PIGG: variants seen among roughly 807,000 people sequenced by gnomAD.
The protein encoded by PIGG is phosphatidylinositol glycan anchor biosynthesis class G (EMM blood group), also known as GPI ethanolamine phosphate transferase 2, catalytic subunit.
Under a neutral mutation model 83.2 loss-of-function variants are expected in PIGG, and 70 were observed. That is an observed-to-expected ratio of 0.84 (90% CI 0.69 to 1.03). The LOEUF is 1.03. PIGG is among the 50% of genes least tolerant of loss of function. PIGG has a pLI of 0.00. For missense variants in PIGG, 1,257 were observed against 1,233.6 expected (o/e 1.02, Z -0.28); for synonymous variants, 532 against 519.5 (o/e 1.02, Z -0.33).
Position 539,234 on chromosome 4 carries a change from A to G in PIGG, c.2817A>G (p.Thr939=). Residue 939 remains threonine (T), a synonymous_variant, in exon 13 of 13, where the codon ACA becomes ACG. Coordinates refer to ENST00000453061, the MANE Select transcript of PIGG (RefSeq NM_001127178.3). ...IPVFTYIVLV[T]SLRYHLFIWS... ...TTTTCACGTACATCGTTTTGGTGAC[A>G]TCTCTGCGTTATCATTTATTTATAT... The G allele has an allele frequency of 1.2e-6, 2 of 1,612,870 alleles. No individual in the cohort carries two copies. Among genetic ancestry groups the G allele is most frequent in the South Asian group, 2.2e-5 (2 of 91,064 alleles).
chr4:527,060 C>G lies in PIGG; in HGVS notation c.2091C>G (p.Leu697=), dbSNP rs752686273. 2 of 1,614,182 alleles carry G rather than the reference C, an allele frequency of 1.2e-6. No individual in the cohort carries two copies. The highest frequency in any genetic ancestry group is 1.7e-6 in the Non-Finnish European group (2 of 1,180,032). The change falls in exon 10 of 13, where the codon CTC becomes CTG. Residue 697 remains leucine, a synonymous_variant. Coordinates refer to ENST00000453061, the MANE Select transcript of PIGG (RefSeq NM_001127178.3). Reference sequence around the variant, plus strand: ...TCAGCTCTGACCACAAAGCCGAGCTCTCTGTCCTGGCTGCCCTCTCCCTCC... The same window carrying G: ...TCAGCTCTGACCACAAAGCCGAGCTGTCTGTCCTGGCTGCCCTCTCCCTCC... ...WLTSSDHKAE[L]SVLAALSLLV...
chr4:535,190 G>A, intron 12 of PIGG, among the ~76,000 whole-genome samples: 1 of 152,186 alleles, frequency 6.6e-6, no homozygotes, highest in East Asian at 1.9e-4. Flanking sequence ...GTCTGGCAGA[G>A]ACCCCAGGGC....
In PIGG at chr4:502,728, A is replaced by G. The variant is rs141409554; in HGVS notation, c.360+2127A>G. Among the ~76,000 whole-genome samples the G allele has an allele frequency of 4.1e-3, 621 of 152,102 alleles. 7 individuals carry two copies. Among genetic ancestry groups the G allele is most frequent in the African/African-American group, 0.014 (586 of 41,484 alleles). On this transcript the variant is annotated intron_variant, in intron 2 of 12. Coordinates refer to ENST00000453061, the MANE Select transcript of PIGG (RefSeq NM_001127178.3). Reference sequence around the variant, plus strand: ...GATGAGGGGATGCCAAGTAGTCCCTACCCTCTTTAAAAATATCGGTGGGAA... The same window carrying G: ...GATGAGGGGATGCCAAGTAGTCCCTGCCCTCTTTAAAAATATCGGTGGGAA...
chr4:525,868 G>A (rs1483624518), intron 9 of PIGG: 1 of 152,286 alleles, frequency 6.6e-6, no homozygotes, highest in Non-Finnish European at 1.5e-5. Flanking sequence ...CGGGCTGCTG[G>A]GAGGTTGTGC....
intron 1 of PIGG, chr4:499,843 A>C: frequency 1.8e-6 from 1 of 547,562 alleles, no homozygotes; most frequent in Non-Finnish European, 2.6e-6. Flanking sequence ...TTTGCCCCCT[A>C]GCACACAACA....
chr4:504,061 G>A (rs115935649), intron 2 of PIGG, among the ~76,000 whole-genome samples: 6,249 of 152,236 alleles, frequency 0.041, 174 homozygotes, highest in African/African-American at 0.08. Context: ...CCCCACCTCA[G>A]CTCAATTCTG....
At position 523,472 on chromosome 4, in the gene PIGG, C is replaced by A. The variant is rs112764712; in HGVS notation, c.1628C>A (p.Pro543His). The change falls in exon 9 of 13, where the codon CCC becomes CAC. Residue 543 changes from proline to histidine, a missense_variant. By Grantham distance (77) the Pro-to-His change is moderately conservative. Coordinates refer to ENST00000453061, the MANE Select transcript of PIGG (RefSeq NM_001127178.3). ...TCCTTTTCACAGAACCCCATGCATCCCAGCTCAAGGTGGTCAGAGCTAGAC... is the reference window on the plus strand; with the variant it reads ...TCCTTTTCACAGAACCCCATGCATCACAGCTCAAGGTGGTCAGAGCTAGAC... ...GNTPRKNPMH[P>H]SSRWSELDLL... 6.2e-7 allele frequency: 1 copy of A among 1,606,152 alleles called. No homozygotes were observed. Among genetic ancestry groups the A allele is most frequent in the South Asian group, 1.1e-5 (1 of 90,554 alleles).
chr4:508,341 A>G (rs1720580369), intron 4 of PIGG, among the ~76,000 whole-genome samples: 2 of 152,258 alleles, frequency 1.3e-5, no homozygotes, highest in Non-Finnish European at 2.9e-5. Flanking sequence ...GGTCAGGCAC[A>G]GCCTGCCTGG....
In PIGG at chr4:507,596, G is replaced by A. The variant is rs373571744; in HGVS notation, c.759+3G>A. 9.9e-5 allele frequency: 159 copies of A among 1,607,600 alleles called. No individual in the cohort carries two copies. The highest frequency in any genetic ancestry group is 1.9e-5 in the Non-Finnish European group (22 of 1,176,310). On this transcript the variant is annotated splice_donor_region_variant and intron_variant, in intron 4 of 12. Transcript: ENST00000453061. ...TCCACACCTCACTGCAGTCGAAGGTGAGGCTCGCCGTCGCTCACTGTCTGC... is the reference window on the plus strand; with the variant it reads ...TCCACACCTCACTGCAGTCGAAGGTAAGGCTCGCCGTCGCTCACTGTCTGC...
chr4:523,693 G>C lies in PIGG; in HGVS notation c.1849G>C (p.Gly617Arg). 6.2e-7 allele frequency: 1 copy of C among 1,614,230 alleles called. No individual in the cohort carries two copies. Among genetic ancestry groups the C allele is most frequent in the Non-Finnish European group, 8.5e-7 (1 of 1,180,034 alleles). The change falls in exon 9 of 13, where the codon GGG becomes CGG. Residue 617 changes from glycine (G) to arginine (R), a missense_variant. By Grantham distance (125) the Gly-to-Arg change is moderately radical (BLOSUM62 -2). Transcript: ENST00000453061. ...CGLCVEQGHD[G>R]ATAAWQDGPG... ...CCTCTGTGTGGAACAAGGGCATGAC[G>C]GGGCCACAGCAGCGTGGCAGGACGG...
intron 12 of PIGG, among the ~76,000 whole-genome samples, chr4:537,617 G>A (rs998110875): frequency 6.6e-6 from 1 of 152,222 alleles, no homozygotes; most frequent in African/African-American, 2.4e-5. Flanking sequence ...TACGGGTTTG[G>A]GGGACCCGCC....
At chr4:538,186 CAG>C (rs1258482461) in intron 12 of PIGG, among the ~76,000 whole-genome samples, 8 of 152,324 alleles carry the variant, frequency 5.3e-5, no homozygotes, top group African/African-American at 1.9e-4. Flanking sequence ...CCCTTTCTAA[CAG>C]AACTTGATCA....
At position 523,487 on chromosome 4, in the gene PIGG, C is replaced by G; in HGVS notation, c.1643C>G (p.Ser548Ter). The change falls in exon 9 of 13, where the codon TCA becomes TGA. Residue 548 changes from serine to a stop codon, truncating the protein, a stop_gained. Coordinates refer to ENST00000453061, the MANE Select transcript of PIGG (RefSeq NM_001127178.3). LOFTEE classifies it high-confidence loss of function. ...KNPMHPSSRWSELDLLILLGT... is the reference protein window; with the variant it reads ...KNPMHPSSRW The stretch of plus-strand genomic sequence containing the variant: ...CCCATGCATCCCAGCTCAAGGTGGT[C>G]AGAGCTAGACCTTCTTATTCTGTTG... 1 of 1,611,574 alleles carries G rather than the reference C, an allele frequency of 6.2e-7. No individual in the cohort carries two copies. The highest frequency in any genetic ancestry group is 8.5e-7 in the Non-Finnish European group (1 of 1,178,238).
chr4:507,501 C>T lies in PIGG; in HGVS notation c.667C>T (p.His223Tyr), dbSNP rs544697994. The change falls in exon 4 of 13, where the codon CAC (histidine) becomes TAC (tyrosine). Residue 223 changes from histidine to tyrosine, a missense_variant. Coordinates refer to ENST00000453061, the MANE Select transcript of PIGG (RefSeq NM_001127178.3). ...LHYLGLDHIG[H>Y]ISGPNSPLIG... Reference sequence around the variant, plus strand: ...CTACCTGGGGCTGGACCACATTGGCCACATTTCAGGGCCCAACAGCCCCCT... The same window carrying T: ...CTACCTGGGGCTGGACCACATTGGCTACATTTCAGGGCCCAACAGCCCCCT... 1 of 1,614,142 alleles carries T rather than the reference C, an allele frequency of 6.2e-7. No homozygotes were observed. Among genetic ancestry groups the T allele is most frequent in the African/African-American group, 1.3e-5 (1 of 75,036 alleles).
chr4:534,049 G>T, intron 12 of PIGG, 68 bp downstream of exon 12: 2 of 1,415,222 alleles, frequency 1.4e-6, no homozygotes, highest in Non-Finnish European at 2.0e-6. Flanking sequence ...GTCGTACTTT[G>T]TTCCAGATGC....
At chr4:506,670 A>G in intron 3 of PIGG, 1 of 421,036 alleles carries the variant, frequency 2.4e-6, no homozygotes, top group South Asian at 1.6e-5. Flanking sequence ...GAGGGAGATG[A>G]GCTAGCTGAG....
intron 9 of PIGG, among the ~76,000 whole-genome samples, chr4:524,279 G>C (rs943289728): frequency 6.6e-6 from 1 of 152,196 alleles, no homozygotes; most frequent in Non-Finnish European, 1.5e-5. Flanking sequence ...TGTGCCCCCC[G>C]CCCATCACTC....
In PIGG at chr4:517,224, G is replaced by A. The variant is rs145510635; in HGVS notation, c.1114+1039G>A. On this transcript the variant is annotated intron_variant, in intron 6 of 12. Transcript: ENST00000453061. Reference sequence around the variant, plus strand: ...CTCGTGGAGGATTCTGCTTTGTGCTGTAGGAGGAGACCAGTCAGGAGGCAG... The same window carrying A: ...CTCGTGGAGGATTCTGCTTTGTGCTATAGGAGGAGACCAGTCAGGAGGCAG... Among the ~76,000 whole-genome samples, 26 of 152,286 alleles carry A rather than the reference G, an allele frequency of 1.7e-4. No homozygotes were observed. In the East Asian group the frequency reaches 1.9e-3, roughly 11 times the overall value.
chr4:535,447 G>GCGTCTCCGTGTGCTGAAACCGCGCCCC (rs1730298549), intron 12 of PIGG, among the ~76,000 whole-genome samples: 1 of 152,104 alleles, frequency 6.6e-6, no homozygotes, highest in African/African-American at 2.4e-5. Flanking sequence ...CCTCCTCCCG[G>GCGTCTCCGTGTGCTGAAACCGCGCCCC]GCAGGCGAGC....
Sources: gnomAD v4.1 joint callset for allele counts (sites outside exome capture counted in the v4.1 genomes callset) on GRCh38, gnomAD v4.1.1 for gene constraint, MANE v1.5 for transcripts, NCBI Gene and HGNC (gene_info 2026-07-23, HGNC 2026-07-21) for gene names.